MCF2L2: variants seen among roughly 807,000 people sequenced by gnomAD.
MCF2L2 encodes the protein probable guanine nucleotide exchange factor MCF2L2.
MCF2L2 carries 102 observed loss-of-function variants against 150.2 expected under a neutral mutation model. The observed-to-expected ratio is 0.68, with a 90% CI of 0.58 to 0.80. The LOEUF (loss-of-function observed/expected upper bound fraction) is 0.80, where lower values mean the gene tolerates loss of function less well. Among genes scored for constraint, MCF2L2 ranks in the 30% least tolerant of loss-of-function variants. The probability of loss-of-function intolerance (pLI) is 0.00; values close to 1 mark genes in which losing one functional copy is unlikely to be tolerated. For synonymous variants in MCF2L2, 465 were observed against 491.3 expected, an observed-to-expected ratio of 0.95 and a Z score of 0.71; for missense variants, 1,256 against 1,372.8, an observed-to-expected ratio of 0.91 and a Z score of 1.34.
intron 3 of MCF2L2, among the ~76,000 whole-genome samples, chr3:183,355,621 T>C (rs1258385389): frequency 1.4e-5 from 2 of 141,842 alleles, no homozygotes; most frequent in Admixed American, 6.9e-5. Context: ...TAATTTTTTT[T>C]TTTTTTTTTT....
At chr3:183,206,050 AAC>A (rs1413247990) in intron 24 of MCF2L2, 70 bp downstream of exon 24, 1 of 1,562,732 alleles carries the variant, frequency 6.4e-7, no homozygotes, top group African/African-American at 1.4e-5. Flanking sequence ...TGAGATAGAA[AAC>A]ACTTGTCAAG....
At chr3:183,183,784 G>T (rs1721605562) in intron 27 of MCF2L2, among the ~76,000 whole-genome samples, 1 of 152,134 alleles carries the variant, frequency 6.6e-6, no homozygotes, top group African/African-American at 2.4e-5. Context: ...TCTCAAAACA[G>T]CTCTGGGCAC....
At chr3:183,292,053 G>C (rs1728178940) in intron 13 of MCF2L2, among the ~76,000 whole-genome samples, 1 of 151,248 alleles carries the variant, frequency 6.6e-6, no homozygotes, top group South Asian at 2.1e-4. Flanking sequence ...TCTGTGGTAT[G>C]TGTGTGCAAG....
chr3:183,349,965 T>C (rs9882351), intron 3 of MCF2L2, among the ~76,000 whole-genome samples: 25,399 of 152,084 alleles, frequency 0.17, 2,540 homozygotes, highest in African/African-American at 0.28. Flanking sequence ...GGGAGAGGCT[T>C]AGCAAATATT....
At chr3:183,259,657 T>G (rs964091424) in intron 15 of MCF2L2, among the ~76,000 whole-genome samples, 1 of 152,114 alleles carries the variant, frequency 6.6e-6, no homozygotes, top group African/African-American at 2.4e-5. Context: ...TAAAACATCC[T>G]CCCTGAGTCC....
At chr3:183,249,337 T>C (rs1368196736) in intron 15 of MCF2L2, among the ~76,000 whole-genome samples, 1 of 152,202 alleles carries the variant, frequency 6.6e-6, no homozygotes, top group East Asian at 1.9e-4. Flanking sequence ...TCACAGGGGC[T>C]GTTGGAGGGT....
At chr3:183,407,729 C>T (rs1180824423) in intron 1 of MCF2L2, among the ~76,000 whole-genome samples, 2 of 152,146 alleles carry the variant, frequency 1.3e-5, no homozygotes, top group Admixed American at 1.3e-4. Context: ...CAGAATATGT[C>T]AAGGTCTAAA....
In MCF2L2 at chr3:183,178,770, T is replaced by C. The variant is rs1346651247; in HGVS notation, c.*610A>G. 2 of 152,292 alleles carry C rather than the reference T, an allele frequency of 1.3e-5. No homozygotes were observed. Among genetic ancestry groups the C allele is most frequent in the Non-Finnish European group, 2.9e-5 (2 of 68,066 alleles). 9.4% of individuals were successfully genotyped at this position (152,292 alleles called of 1,614,324 possible). ...AAAGTAACTTGGAACGAACTCTCTC[T>C]ACAACGAAGCAATCTTGGCACTAAC... is the stretch of plus-strand genomic sequence containing the variant. On this transcript the variant is annotated 3_prime_UTR_variant, in exon 30 of 30. Transcript: ENST00000328913.
At chr3:183,337,313 T>C (rs977896914) in intron 5 of MCF2L2, among the ~76,000 whole-genome samples, 10 of 152,162 alleles carry the variant, frequency 6.6e-5, no homozygotes, top group African/African-American at 1.9e-4. Flanking sequence ...TCCCAGCACT[T>C]TGGGAGGCTG....
At chr3:183,188,695 C>T (rs549095870) in intron 27 of MCF2L2, among the ~76,000 whole-genome samples, 21 of 152,246 alleles carry the variant, frequency 1.4e-4, no homozygotes, top group Admixed American at 1.2e-3. Flanking sequence ...CAGCCTGGCG[C>T]GCTGGCTCAT....
intron 25 of MCF2L2, among the ~76,000 whole-genome samples, chr3:183,200,565 C>A (rs552983098): frequency 1.3e-5 from 2 of 152,266 alleles, no homozygotes; most frequent in East Asian, 1.9e-4. Context: ...TTCTCCCATT[C>A]TGTAAGTTGC....
At chr3:183,397,553 A>G (rs1232559715) in intron 1 of MCF2L2, among the ~76,000 whole-genome samples, 1 of 152,242 alleles carries the variant, frequency 6.6e-6, no homozygotes, top group African/African-American at 2.4e-5. Flanking sequence ...GGAGGGCCAC[A>G]TACATTCAAA....
At chr3:183,408,866 TA>T (rs1396675050) in intron 1 of MCF2L2, among the ~76,000 whole-genome samples, 1 of 152,238 alleles carries the variant, frequency 6.6e-6, no homozygotes, top group African/African-American at 2.4e-5. Flanking sequence ...TTTGTACTTA[TA>T]ACTCCCTCAC....
chr3:183,223,453 T>C lies in MCF2L2; in HGVS notation c.2209-15A>G, dbSNP rs374254116. On this transcript the variant is annotated splice_polypyrimidine_tract_variant and intron_variant, in intron 19 of 29. Coordinates refer to ENST00000328913, the MANE Select transcript of MCF2L2 (RefSeq NM_015078.4). Reference sequence around the variant, plus strand: ...CGCTGGCATACCTTTAAAAGCCAAATAGAAACAACATAAAGCAAAACAAAC... The same window carrying C: ...CGCTGGCATACCTTTAAAAGCCAAACAGAAACAACATAAAGCAAAACAAAC... The C allele has an allele frequency of 2.3e-5, 37 of 1,586,964 alleles. No individual in the cohort carries two copies. The African/African-American group carries it at 3.4e-4, about 14-fold the overall frequency.
At chr3:183,238,495 A>G (rs1723845823) in intron 15 of MCF2L2, among the ~76,000 whole-genome samples, 1 of 151,190 alleles carries the variant, frequency 6.6e-6, no homozygotes, top group Admixed American at 6.6e-5. Flanking sequence ...GGGTTTTACC[A>G]TGTTGGCCAG....
chr3:183,354,924 A>G (rs1711668513), intron 3 of MCF2L2, among the ~76,000 whole-genome samples: 1 of 152,196 alleles, frequency 6.6e-6, no homozygotes, highest in South Asian at 2.1e-4. Flanking sequence ...GAATAAATCC[A>G]TCATGAATGC....
intron 1 of MCF2L2, among the ~76,000 whole-genome samples, chr3:183,408,542 C>G (rs1715162787): frequency 6.6e-6 from 1 of 152,170 alleles, no homozygotes; most frequent in Non-Finnish European, 1.5e-5. Flanking sequence ...ATCCTTAGAC[C>G]TGGCCCAGTG....
intron 3 of MCF2L2, among the ~76,000 whole-genome samples, chr3:183,368,742 C>T (rs763125612): frequency 1.7e-4 from 26 of 152,202 alleles, no homozygotes; most frequent in African/African-American, 4.6e-4. Context: ...CCAGCCTGGG[C>T]GACAGAGCAA....
At chr3:183,345,619 A>G (rs1730867946) in intron 3 of MCF2L2, among the ~76,000 whole-genome samples, 1 of 152,226 alleles carries the variant, frequency 6.6e-6, no homozygotes, top group Admixed American at 6.5e-5. Flanking sequence ...CAAAAAATCA[A>G]TGAATCCAGG....
Sources: gnomAD v4.1 joint callset for allele counts (sites outside exome capture counted in the v4.1 genomes callset) on GRCh38, gnomAD v4.1.1 for gene constraint, MANE v1.5 for transcripts, NCBI Gene and HGNC (gene_info 2026-07-23, HGNC 2026-07-21) for gene names.